The following CNTNAP5 variants were observed in gnomAD, a reference collection of about 807,000 sequenced individuals.
CNTNAP5 encodes the protein contactin associated protein family member 5, also known as contactin-associated protein-like 5.
Under a neutral mutation model 150.2 loss-of-function variants are expected in CNTNAP5, and 72 were observed. The observed-to-expected ratio is 0.48, with a 90% confidence interval of 0.40 to 0.58. CNTNAP5 has a LOEUF of 0.58. CNTNAP5 is among the 20% of genes least tolerant of loss of function. CNTNAP5 has a pLI of 0.00. For synonymous variants in CNTNAP5, 672 were observed against 619.8 expected (o/e 1.08, Z -1.25); for missense variants, 1,636 against 1,626.2 (o/e 1.01, Z -0.10).
intron 13 of CNTNAP5, among the ~76,000 whole-genome samples, chr2:124,746,986 A>G (rs1469396230): frequency 6.6e-6 from 1 of 152,078 alleles, no homozygotes; most frequent in Non-Finnish European, 1.5e-5. Flanking sequence ...AAATATATAG[A>G]AAGAGTGAGA....
At chr2:124,619,842 C>CAA (rs1250750675) in intron 12 of CNTNAP5, among the ~76,000 whole-genome samples, 2 of 98,474 alleles carry the variant, frequency 2.0e-5, no homozygotes, top group African/African-American at 1.2e-4. Context: ...CTGTCTCATT[C>CAA]ATATATATAT....
intron 2 of CNTNAP5, among the ~76,000 whole-genome samples, chr2:124,238,720 T>C (rs151104142): frequency 1.7e-3 from 261 of 152,288 alleles, no homozygotes; most frequent in African/African-American, 6.0e-3. Flanking sequence ...CAAATGCACT[T>C]ATTTGTATGT....
intron 13 of CNTNAP5, among the ~76,000 whole-genome samples, chr2:124,653,870 C>T (rs1165942306): frequency 6.7e-6 from 1 of 148,328 alleles, no homozygotes; most frequent in Non-Finnish European, 1.5e-5. Flanking sequence ...TGCCTGCATA[C>T]TTGTAGTAGG....
At position 124,200,530 on chromosome 2, in the gene CNTNAP5, TA is replaced by T. The variant is rs202034392; in HGVS notation, c.83-21166del. The stretch of plus-strand genomic sequence containing the variant: ...AATATGCTTTTATTTTGAATTGTGG[TA>T]AAAAAAAACACTTAACATGAGATTT... On this transcript the variant is annotated intron_variant, in intron 1 of 23. Transcript: ENST00000682447. Among the ~76,000 whole-genome samples the T allele has an allele frequency of 7.2e-4, 109 of 151,164 alleles. 1 individual carries two copies. Among genetic ancestry groups the T allele is most frequent in the Admixed American group, 2.8e-3 (43 of 15,152 alleles).
intron 19 of CNTNAP5, among the ~76,000 whole-genome samples, chr2:124,832,025 A>T (rs1435574446): frequency 6.6e-6 from 1 of 152,096 alleles, no homozygotes. Context: ...ATATTAAATT[A>T]GTCTTACTTA....
chr2:124,110,248 C>T (rs1683263821), intron 1 of CNTNAP5, among the ~76,000 whole-genome samples: 1 of 152,166 alleles, frequency 6.6e-6, no homozygotes. Context: ...TCCTTTTGTA[C>T]TGAGCACCGG....
intron 16 of CNTNAP5, among the ~76,000 whole-genome samples, chr2:124,765,314 T>C (rs983876597): frequency 2.0e-5 from 3 of 152,126 alleles, no homozygotes; most frequent in Non-Finnish European, 4.4e-5. Flanking sequence ...TTCCTAAGAA[T>C]TTGAAGTTGC....
At chr2:124,164,308 C>T (rs985836250) in intron 1 of CNTNAP5, among the ~76,000 whole-genome samples, 1 of 152,156 alleles carries the variant, frequency 6.6e-6, no homozygotes, top group African/African-American at 2.4e-5. Context: ...GACTGGCTAT[C>T]TCCTCAAGGC....
chr2:124,399,196 A>C (rs1469242993), intron 3 of CNTNAP5, among the ~76,000 whole-genome samples: 1 of 152,160 alleles, frequency 6.6e-6, no homozygotes, highest in Non-Finnish European at 1.5e-5. Context: ...CAACAGAAAA[A>C]GTTGAAAGTC....
chr2:124,485,859 C>G (rs1203803877), intron 7 of CNTNAP5, among the ~76,000 whole-genome samples: 1 of 151,944 alleles, frequency 6.6e-6, no homozygotes, highest in Non-Finnish European at 1.5e-5. Flanking sequence ...TCTAGTGCCC[C>G]TTATGGACAA....
chr2:124,305,691 A>G (rs147734049), intron 3 of CNTNAP5, among the ~76,000 whole-genome samples: 2 of 152,248 alleles, frequency 1.3e-5, no homozygotes, highest in East Asian at 3.9e-4. Flanking sequence ...GAGTTTGGCC[A>G]CTTCTTGCCC....
At chr2:124,424,010 G>T (rs959950678) in intron 4 of CNTNAP5, among the ~76,000 whole-genome samples, 1 of 152,146 alleles carries the variant, frequency 6.6e-6, no homozygotes, top group Non-Finnish European at 1.5e-5. Flanking sequence ...TAAAGTTAAT[G>T]ATCTGTCAGG....
At chr2:124,895,602 G>A (rs947114260) in intron 21 of CNTNAP5, among the ~76,000 whole-genome samples, 7 of 151,548 alleles carry the variant, frequency 4.6e-5, no homozygotes, top group Admixed American at 2.6e-4. Context: ...TTCAGCCTGG[G>A]TGACAGAGCA....
intron 3 of CNTNAP5, among the ~76,000 whole-genome samples, chr2:124,405,418 A>G (rs1691545101): frequency 6.6e-6 from 1 of 152,194 alleles, no homozygotes; most frequent in African/African-American, 2.4e-5. Context: ...TGATGCAGCC[A>G]CTGCAATTAC....
intron 8 of CNTNAP5, among the ~76,000 whole-genome samples, chr2:124,513,517 T>C (rs535912583): frequency 6.6e-6 from 1 of 152,330 alleles, no homozygotes; most frequent in East Asian, 1.9e-4. Flanking sequence ...AGTACATTAT[T>C]TGCCCAAGCC....
chr2:124,377,265 T>G (rs2104733530), intron 3 of CNTNAP5, among the ~76,000 whole-genome samples: 1 of 152,204 alleles, frequency 6.6e-6, no homozygotes, highest in East Asian at 1.9e-4. Context: ...GGATTTATTC[T>G]TCAAAAAAGG....
At chr2:124,583,267 G>T (rs1198524583) in intron 11 of CNTNAP5, among the ~76,000 whole-genome samples, 1 of 152,192 alleles carries the variant, frequency 6.6e-6, no homozygotes, top group Non-Finnish European at 1.5e-5. Context: ...ACTTTGCATA[G>T]CAAGGAGCAG....
chr2:124,120,208 A>G (rs1372265181), intron 1 of CNTNAP5, among the ~76,000 whole-genome samples: 2 of 152,208 alleles, frequency 1.3e-5, no homozygotes, highest in Non-Finnish European at 2.9e-5. Context: ...GTAGGTTACT[A>G]TGGAAGCACA....
intron 1 of CNTNAP5, among the ~76,000 whole-genome samples, chr2:124,057,366 C>G (rs1681879104): frequency 6.7e-6 from 1 of 149,456 alleles, no homozygotes; most frequent in Non-Finnish European, 1.5e-5. Context: ...ACTGCAAACT[C>G]TGCCTCCCCG....
Sources: gnomAD v4.1 joint callset for allele counts (sites outside exome capture counted in the v4.1 genomes callset) on GRCh38, gnomAD v4.1.1 for gene constraint, MANE v1.5 for transcripts, NCBI Gene and HGNC (gene_info 2026-07-23, HGNC 2026-07-21) for gene names.